Variants in RYR2 observed in about 807,000 individuals in gnomAD.
RYR2 encodes ryanodine receptor 2.
Under a neutral mutation model 601.1 loss-of-function variants are expected in RYR2, and 227 were observed. The ratio of observed to expected loss-of-function variants is 0.38; its 90% confidence interval spans 0.34 to 0.42. RYR2 has a LOEUF of 0.42. Ranked by LOEUF, RYR2 falls within the 10% of genes least tolerant of loss-of-function variation. The pLI is 1.00. For synonymous variants in RYR2, 2,223 were observed against 2,175.1 expected (o/e 1.02, Z -0.61); for missense variants, 4,646 against 6,156.5 (o/e 0.75, Z 8.21).
chr1:237,700,490 G>GTT (rs371120316), intron 65 of RYR2, 23 bp downstream of exon 65: 2,984 of 962,028 alleles, frequency 3.1e-3, no homozygotes, highest in Non-Finnish European at 3.7e-3. Context: ...ATATCTTGGA[G>GTT]TTTTTTTTTT....
At chr1:237,410,673 G>A (rs1159116375) in intron 10 of RYR2, among the ~76,000 whole-genome samples, 2 of 151,984 alleles carry the variant, frequency 1.3e-5, no homozygotes, top group African/African-American at 4.8e-5. Context: ...TTTACTAACT[G>A]GCCCTTTACA....
chr1:237,282,992 G>T (rs1691052671), intron 2 of RYR2, among the ~76,000 whole-genome samples: 1 of 152,152 alleles, frequency 6.6e-6, no homozygotes, highest in Admixed American at 6.5e-5. Flanking sequence ...TTCACCTGTT[G>T]CCACTTGCCA....
chr1:237,340,695 T>C (rs1441047385), intron 3 of RYR2, among the ~76,000 whole-genome samples: 1 of 152,236 alleles, frequency 6.6e-6, no homozygotes, highest in African/African-American at 2.4e-5. Flanking sequence ...ACTTCAATAA[T>C]TAGATTATAA....
At chr1:237,764,820 T>C (rs1414306249) in intron 84 of RYR2, among the ~76,000 whole-genome samples, 1 of 152,212 alleles carries the variant, frequency 6.6e-6, no homozygotes, top group African/African-American at 2.4e-5. Flanking sequence ...TATTGTTAAG[T>C]TTCAAAATTG....
chr1:237,331,261 A>T (rs1351159865), intron 3 of RYR2, among the ~76,000 whole-genome samples: 1 of 152,100 alleles, frequency 6.6e-6, no homozygotes, highest in Non-Finnish European at 1.5e-5. Context: ...TCTGTGTTTC[A>T]TTACATTTTC....
intron 24 of RYR2, among the ~76,000 whole-genome samples, chr1:237,512,239 G>A (rs1203036104): frequency 3.9e-5 from 6 of 152,164 alleles, no homozygotes; most frequent in African/African-American, 1.4e-4. Flanking sequence ...TAAGAAATGT[G>A]AGGTCATAGC....
rs1007493885 is a variant in RYR2, at chr1:237,833,028, G to C, written c.*381G>C. The C allele has an allele frequency of 1.2e-5, 2 of 169,180 alleles. No individual in the cohort carries two copies. Among genetic ancestry groups the C allele is most frequent in the African/African-American group, 4.8e-5 (2 of 41,868 alleles). 10.5% of individuals were successfully genotyped at this position (169,180 alleles called of 1,614,324 possible). A position where few individuals can be genotyped will look rare whatever the true frequency, so the allele number is the denominator to read the frequency against. ...CCAGCCTCTTTATTTCACCATCCTGGAAGGAAACTGTCTGTCTAATGGTCA... is the reference window on the plus strand; with the variant it reads ...CCAGCCTCTTTATTTCACCATCCTGCAAGGAAACTGTCTGTCTAATGGTCA... On this transcript the variant is annotated 3_prime_UTR_variant, in exon 105 of 105. Coordinates refer to ENST00000366574, the MANE Select transcript of RYR2 (RefSeq NM_001035.3).
chr1:237,124,412 A>G (rs1558276851), intron 1 of RYR2, among the ~76,000 whole-genome samples: 1 of 152,182 alleles, frequency 6.6e-6, no homozygotes, highest in East Asian at 1.9e-4. Context: ...ACATTAACAC[A>G]TATTTCATGG....
At chr1:237,283,727 A>T (rs549108048) in intron 2 of RYR2, among the ~76,000 whole-genome samples, 2 of 152,358 alleles carry the variant, frequency 1.3e-5, no homozygotes, top group Admixed American at 6.5e-5. Context: ...TTACTATAAT[A>T]ATGCTTAATC....
chr1:237,237,322 T>G (rs1685650735), intron 1 of RYR2, among the ~76,000 whole-genome samples: 1 of 152,234 alleles, frequency 6.6e-6, no homozygotes, highest in African/African-American at 2.4e-5. Flanking sequence ...GAGGATCTTA[T>G]AGTTCAGAGA....
intron 12 of RYR2, among the ~76,000 whole-genome samples, chr1:237,439,060 C>T (rs1387323750): frequency 6.6e-6 from 1 of 152,180 alleles, no homozygotes; most frequent in Admixed American, 6.5e-5. Context: ...AAGATTATTA[C>T]TTGCCTAATC....
In RYR2 at chr1:237,112,571, C is replaced by CAAAAA. The variant is rs11419585; in HGVS notation, c.48+70017_48+70021dup. 1.8e-3 allele frequency among the ~76,000 whole-genome samples: 248 copies of CAAAAA among 137,190 alleles called. 2 individuals carry two copies. Among genetic ancestry groups the CAAAAA allele is most frequent in the African/African-American group, 6.3e-3 (233 of 37,076 alleles). The allele number at this position is 137,190 out of a possible 152,430, so 90.0% of individuals were successfully genotyped here. A position where few individuals can be genotyped will look rare whatever the true frequency, so the allele number is the denominator to read the frequency against. ...ACCTCTTCTTTCTAAGCTACAACAT[C>CAAAAA]AAAAAAAAAAAAAAAAAAATTAGCT... On this transcript the variant is annotated intron_variant, in intron 1 of 104. Coordinates refer to ENST00000366574, the MANE Select transcript of RYR2 (RefSeq NM_001035.3).
chr1:237,557,602 C>G (rs1671037506), intron 27 of RYR2, among the ~76,000 whole-genome samples: 1 of 150,138 alleles, frequency 6.7e-6, no homozygotes, highest in South Asian at 2.1e-4. Context: ...TCTAGTGGCT[C>G]TTTAGGAAAA....
intron 25 of RYR2, among the ~76,000 whole-genome samples, chr1:237,539,042 G>A (rs1668974154): frequency 6.6e-6 from 1 of 152,166 alleles, no homozygotes; most frequent in Non-Finnish European, 1.5e-5. Flanking sequence ...CTGTATGGAT[G>A]CACAGGCCAT....
At chr1:237,289,406 G>A (rs904463111) in intron 2 of RYR2, among the ~76,000 whole-genome samples, 4 of 152,210 alleles carry the variant, frequency 2.6e-5, no homozygotes, top group African/African-American at 9.6e-5. Flanking sequence ...AAGGAAAGAT[G>A]TTTAATTGAC....
chr1:237,368,260 ATATT>A (rs1700359291), intron 5 of RYR2, among the ~76,000 whole-genome samples: 1 of 152,202 alleles, frequency 6.6e-6, no homozygotes, highest in Non-Finnish European at 1.5e-5. Flanking sequence ...ACATCAATAC[ATATT>A]TATTCTATAC....
At chr1:237,612,361 C>T (rs1215636384) in intron 36 of RYR2, among the ~76,000 whole-genome samples, 6 of 152,188 alleles carry the variant, frequency 3.9e-5, no homozygotes, top group African/African-American at 1.4e-4. Context: ...GTTATAGTTA[C>T]ACAACTCCAT....
chr1:237,204,504 A>C (rs1268135037), intron 1 of RYR2, among the ~76,000 whole-genome samples: 6 of 86,104 alleles, frequency 7.0e-5, no homozygotes, highest in African/African-American at 4.7e-4. Context: ...AAACAAAAAC[A>C]AAAAAAAAAA....
chr1:237,229,474 T>C (rs1377001922), intron 1 of RYR2, among the ~76,000 whole-genome samples: 4 of 152,228 alleles, frequency 2.6e-5, no homozygotes. Flanking sequence ...GAAGTGATCC[T>C]ATGATGGGGA....
Sources: allele counts gnomAD v4.1 joint callset (sites outside exome capture counted in the v4.1 genomes callset), GRCh38; gene constraint gnomAD v4.1.1; transcripts MANE v1.5; gene names NCBI Gene and HGNC (gene_info 2026-07-23, HGNC 2026-07-21).